KIAA0825: variants seen among roughly 807,000 people sequenced by gnomAD.
KIAA0825 encodes the protein uncharacterized protein KIAA0825.
KIAA0825 carries 119 observed loss-of-function variants against 147.6 expected under a neutral mutation model. The observed-to-expected ratio is 0.81, with a 90% CI of 0.69 to 0.94. The LOEUF (loss-of-function observed/expected upper bound fraction) is 0.94, where lower values mean the gene tolerates loss of function less well. Ranked by LOEUF, KIAA0825 falls within the 40% of genes least tolerant of loss-of-function variation. KIAA0825 has a pLI of 0.00. For synonymous variants in KIAA0825, 470 were observed against 518.1 expected (o/e 0.91, Z 1.26); for missense variants, 1,381 against 1,472.7 (o/e 0.94, Z 1.02).
chr5:94,188,630 T>C (rs187584836), intron 20 of KIAA0825, among the ~76,000 whole-genome samples: 1 of 152,262 alleles, frequency 6.6e-6, no homozygotes, highest in African/African-American at 2.4e-5. Context: ...TGCTGAGTAA[T>C]ATTTGATAGT....
At chr5:94,400,924 T>C (rs530047777) in intron 16 of KIAA0825, among the ~76,000 whole-genome samples, 3 of 152,258 alleles carry the variant, frequency 2.0e-5, no homozygotes, top group African/African-American at 7.2e-5. Flanking sequence ...ATTTTTACTG[T>C]GTCAAGAAGG....
At chr5:94,514,163 G>T (rs1459112595) in intron 5 of KIAA0825, among the ~76,000 whole-genome samples, 1 of 152,004 alleles carries the variant, frequency 6.6e-6, no homozygotes, top group African/African-American at 2.4e-5. Flanking sequence ...CTCAAACCTG[G>T]TAATAATCAG....
At chr5:94,191,746 C>G (rs1384030843) in intron 20 of KIAA0825, among the ~76,000 whole-genome samples, 1 of 152,134 alleles carries the variant, frequency 6.6e-6, no homozygotes, top group East Asian at 1.9e-4. Flanking sequence ...CCTTCTGTAC[C>G]CCAGATGCCA....
chr5:94,159,007 A>G (rs940871607), intron 20 of KIAA0825, among the ~76,000 whole-genome samples: 1 of 152,234 alleles, frequency 6.6e-6, no homozygotes, highest in Admixed American at 6.5e-5. Context: ...AATTGTCCTC[A>G]TCTAATAAGA....
intron 20 of KIAA0825, among the ~76,000 whole-genome samples, chr5:94,354,855 T>C (rs769096790): frequency 6.6e-6 from 1 of 152,152 alleles, no homozygotes; most frequent in Non-Finnish European, 1.5e-5. Flanking sequence ...CTGAGCCAAA[T>C]AGAAGTGACC....
In KIAA0825 at chr5:94,314,152, T is replaced by C. The variant is rs148563767; in HGVS notation, c.3710+70216A>G. ...ATTAAACACACATACACATATGCTG[T>C]AACACATTTCACCATGTACAATGAA... is the stretch of plus-strand genomic sequence containing the variant. On this transcript the variant is annotated intron_variant, in intron 20 of 20. Transcript: ENST00000682413. Among the ~76,000 whole-genome samples, 345 of 151,652 alleles carry C rather than the reference T, an allele frequency of 2.3e-3. 2 individuals are homozygous for C. Among genetic ancestry groups the C allele is most frequent in the African/African-American group, 7.8e-3 (323 of 41,490 alleles).
chr5:94,408,168 T>C (rs1364975578), intron 15 of KIAA0825, among the ~76,000 whole-genome samples: 1 of 152,142 alleles, frequency 6.6e-6, no homozygotes, highest in African/African-American at 2.4e-5. Flanking sequence ...GGTTTAAAGG[T>C]TTTCCTTTGG....
At chr5:94,328,427 A>G (rs377054435) in intron 20 of KIAA0825, among the ~76,000 whole-genome samples, 1 of 152,050 alleles carries the variant, frequency 6.6e-6, no homozygotes, top group South Asian at 2.1e-4. Flanking sequence ...CCATTTTCTC[A>G]CCTTTAACAA....
intron 6 of KIAA0825, among the ~76,000 whole-genome samples, chr5:94,482,740 C>T (rs1245276495): frequency 6.6e-6 from 1 of 152,030 alleles, no homozygotes; most frequent in South Asian, 2.1e-4. Flanking sequence ...CACATTAAAT[C>T]AATCTTGGCT....
At chr5:94,385,722 C>A (rs966160858) in intron 19 of KIAA0825, among the ~76,000 whole-genome samples, 2 of 152,090 alleles carry the variant, frequency 1.3e-5, no homozygotes, top group African/African-American at 4.8e-5. Flanking sequence ...CCAAATAGAC[C>A]GGCTTTAAGA....
chr5:94,333,576 A>G (rs1203993313), intron 20 of KIAA0825, among the ~76,000 whole-genome samples: 3 of 151,946 alleles, frequency 2.0e-5, no homozygotes, highest in Admixed American at 1.3e-4. Flanking sequence ...GTTCTGTTCC[A>G]TTTGTCTATA....
At chr5:94,267,360 G>C (rs1397161957) in intron 20 of KIAA0825, among the ~76,000 whole-genome samples, 1 of 151,926 alleles carries the variant, frequency 6.6e-6, no homozygotes, top group Admixed American at 6.6e-5. Flanking sequence ...TGAGCACTCT[G>C]TACTGGAGCA....
intron 13 of KIAA0825, among the ~76,000 whole-genome samples, chr5:94,448,814 G>A (rs1758042815): frequency 6.6e-6 from 1 of 152,082 alleles, no homozygotes; most frequent in Non-Finnish European, 1.5e-5. Context: ...AGATTTTTAA[G>A]GTCATATAAT....
At chr5:94,321,466 T>A (rs1780193202) in intron 20 of KIAA0825, among the ~76,000 whole-genome samples, 1 of 151,950 alleles carries the variant, frequency 6.6e-6, no homozygotes, top group African/African-American at 2.4e-5. Flanking sequence ...ATTTTACATA[T>A]AAGAAAAGTG....
chr5:94,440,192 A>T (rs1756898878), intron 13 of KIAA0825, 71 bp from the exon 14 acceptor site: 1 of 1,395,566 alleles, frequency 7.2e-7, no homozygotes, highest in African/African-American at 1.4e-5. Context: ...CTTAAAGTAC[A>T]GATGTAATGC....
intron 20 of KIAA0825, among the ~76,000 whole-genome samples, chr5:94,268,743 A>G (rs1776850864): frequency 6.6e-6 from 1 of 152,166 alleles, no homozygotes; most frequent in Non-Finnish European, 1.5e-5. Context: ...CTGATGGATA[A>G]ATGGCACCCA....
At chr5:94,334,294 T>C (rs1372761441) in intron 20 of KIAA0825, among the ~76,000 whole-genome samples, 1 of 152,184 alleles carries the variant, frequency 6.6e-6, no homozygotes, top group Non-Finnish European at 1.5e-5. Flanking sequence ...ACATAAATAG[T>C]GTAAAGGAAA....
chr5:94,430,547 C>G (rs1755531143), intron 14 of KIAA0825, among the ~76,000 whole-genome samples: 1 of 152,134 alleles, frequency 6.6e-6, no homozygotes, highest in African/African-American at 2.4e-5. Flanking sequence ...TAATTTTTCT[C>G]ATTTGCAAAA....
At chr5:94,418,506 A>C (rs1753769021) in intron 14 of KIAA0825, among the ~76,000 whole-genome samples, 2 of 130,320 alleles carry the variant, frequency 1.5e-5, no homozygotes, top group African/African-American at 5.9e-5. Flanking sequence ...TATTTGGTTC[A>C]GGTGAAGCCG....
Sources: allele counts gnomAD v4.1 joint callset (sites outside exome capture counted in the v4.1 genomes callset), GRCh38; gene constraint gnomAD v4.1.1; transcripts MANE v1.5; gene names NCBI Gene and HGNC (gene_info 2026-07-23, HGNC 2026-07-21).